The following DCP1B variants were observed in gnomAD, a reference collection of about 807,000 sequenced individuals.
DCP1B encodes the protein decapping mRNA 1B.
In DCP1B, 47 loss-of-function variants were observed where a neutral mutation model predicts 60.5. The ratio of observed to expected loss-of-function variants is 0.78; its 90% CI spans 0.61 to 0.99. The LOEUF (loss-of-function observed/expected upper bound fraction) is 0.99. DCP1B is among the 50% of genes least tolerant of loss of function. The pLI, the probability that DCP1B is intolerant of heterozygous loss-of-function variation, is 0.00. For missense variants in DCP1B, 725 were observed against 756.8 expected (o/e 0.96, Z 0.49); for synonymous variants, 267 against 280.3 (o/e 0.95, Z 0.47).
At chr12:1,981,405 T>C (rs1471815349) in intron 3 of DCP1B, among the ~76,000 whole-genome samples, 1 of 152,218 alleles carries the variant, frequency 6.6e-6, no homozygotes, top group African/African-American at 2.4e-5. Context: ...GCACATTTAA[T>C]GCAAGGAATT....
At chr12:1,947,072 C>T (rs940784431) in intron 8 of DCP1B, among the ~76,000 whole-genome samples, 20 of 152,198 alleles carry the variant, frequency 1.3e-4, no homozygotes, top group African/African-American at 4.8e-4. Flanking sequence ...TATGCTTCAT[C>T]AGTACTTCAT....
intron 1 of DCP1B, among the ~76,000 whole-genome samples, chr12:2,001,204 T>C (rs1409663431): frequency 2.0e-5 from 3 of 152,148 alleles, no homozygotes; most frequent in East Asian, 1.9e-4. Context: ...TCCATAGTTA[T>C]CCAAGGGCAA....
intron 3 of DCP1B, among the ~76,000 whole-genome samples, chr12:1,970,171 T>C (rs960930785): frequency 7.2e-5 from 11 of 152,178 alleles, no homozygotes; most frequent in Admixed American, 1.3e-4. Flanking sequence ...GTCATCACCA[T>C]GAGATAACTG....
chr12:1,993,363 T>C lies in DCP1B; in HGVS notation c.220A>G (p.Ile74Val). ...TTTTCCATGCTCAGCCTATTCATAATGGTGAATCCATGCTTTGGAGAAGCA... is the reference window on the plus strand; with the variant it reads ...TTTTCCATGCTCAGCCTATTCATAACGGTGAATCCATGCTTTGGAGAAGCA... ...RSASPKHGFT[I>V]MNRLSMENRT... The change falls in exon 3 of 9, where the codon ATT becomes GTT. Residue 74 changes from isoleucine to valine, a missense_variant. Transcript: ENST00000280665. The C allele has an allele frequency of 2.5e-6, 4 of 1,613,208 alleles. No homozygotes were observed. The highest frequency in any genetic ancestry group is 3.4e-6 in the Non-Finnish European group (4 of 1,179,272).
At chr12:1,950,900 A>T (rs969509078) in intron 7 of DCP1B, among the ~76,000 whole-genome samples, 4 of 152,154 alleles carry the variant, frequency 2.6e-5, no homozygotes, top group Non-Finnish European at 1.5e-5. Context: ...CTCCTATCTT[A>T]ACCTCCAAAG....
At position 1,949,872 on chromosome 12, in the gene DCP1B, G is replaced by A. The variant is rs759821162; in HGVS notation, c.1525-538C>T. Among the ~76,000 whole-genome samples, 33 of 152,364 alleles carry A rather than the reference G, an allele frequency of 2.2e-4. 1 individual carries two copies. Among genetic ancestry groups the A allele is most frequent in the Middle Eastern group, 6.8e-3 (2 of 294 alleles). On this transcript the variant is annotated intron_variant, in intron 7 of 8. Transcript: ENST00000280665. ...CTGACAGGATCTGCCTGCCTGCAGA[G>A]AGCCCTCATCTTCAGCTTCCGCAGC... is the stretch of plus-strand genomic sequence containing the variant.
chr12:1,946,930 A>C (rs2030449809), intron 8 of DCP1B, among the ~76,000 whole-genome samples: 2 of 152,242 alleles, frequency 1.3e-5, no homozygotes, highest in African/African-American at 4.8e-5. Flanking sequence ...TCCTGGGCTC[A>C]AGTGAGCCTC....
intron 3 of DCP1B, among the ~76,000 whole-genome samples, chr12:1,984,422 A>G (rs956362717): frequency 1.3e-5 from 2 of 152,048 alleles, no homozygotes; most frequent in South Asian, 2.1e-4. Flanking sequence ...TACAATATAC[A>G]TATCTAACTT....
chr12:1,944,095 C>T (rs949350827), downstream of DCP1B, among the ~76,000 whole-genome samples: 10 of 152,296 alleles, frequency 6.6e-5, no homozygotes, highest in South Asian at 1.4e-3. Flanking sequence ...TCTCAGGATA[C>T]AAAATCAATG....
At chr12:1,965,476 C>T (rs1292938396) in intron 5 of DCP1B, 82 bp downstream of exon 5, 3 of 1,399,746 alleles carry the variant, frequency 2.1e-6, no homozygotes, top group African/African-American at 1.5e-5. Context: ...ACAGCATCCA[C>T]AGTACCTAGT....
intron 5 of DCP1B, among the ~76,000 whole-genome samples, chr12:1,961,712 A>C (rs547555005): frequency 1.1e-3 from 172 of 152,312 alleles, no homozygotes; most frequent in Admixed American, 1.8e-3. Flanking sequence ...GACTGAAGAG[A>C]CCTGGGAAAA....
intron 3 of DCP1B, 66 bp from the exon 4 acceptor site, chr12:1,967,976 C>T: frequency 7.7e-7 from 1 of 1,290,558 alleles, no homozygotes. Flanking sequence ...AAAAAATCTC[C>T]TTTCCATCTT....
At position 1,949,120 on chromosome 12, in the gene DCP1B, A is replaced by G; in HGVS notation, c.1739T>C (p.Leu580Pro). 1 of 1,614,004 alleles carries G rather than the reference A, an allele frequency of 6.2e-7. No individual in the cohort carries two copies. Among genetic ancestry groups the G allele is most frequent in the Non-Finnish European group, 8.5e-7 (1 of 1,179,970 alleles). The part of the protein sequence containing the change: ...SVITSSPLTK[L>P]QLQEALLYLI... ...GTACAGCAGTGCCTCCTGGAGCTGGAGCTTGGTGAGTGGGCTGCTGGTGAT... is the reference window on the plus strand; with the variant it reads ...GTACAGCAGTGCCTCCTGGAGCTGGGGCTTGGTGAGTGGGCTGCTGGTGAT... The change falls in exon 8 of 9, where the codon CTC becomes CCC. Residue 580 changes from leucine (L) to proline (P), a missense_variant. Transcript: ENST00000280665.
rs923895125 is a variant in DCP1B at position 1,948,960 on chromosome 12, G to T, written c.1773+126C>A. On this transcript the variant is annotated intron_variant, in intron 8 of 8. Transcript: ENST00000280665. The surrounding 1 kb of genome is among the most constrained non-coding windows in gnomAD (Gnocchi z 4.8). ...ACAGAAGCCGCTGGGGTCAGGATGA[G>T]TTGTTACACACACCTGTTATTCTCA... The T allele has an allele frequency of 6.2e-6, 8 of 1,288,624 alleles. No individual in the cohort carries two copies. The highest frequency in any genetic ancestry group is 2.3e-5 in the Admixed American group (1 of 43,422). 79.8% of individuals were successfully genotyped at this position (1,288,624 alleles called of 1,614,324 possible).
Position 1,952,434 on chromosome 12 carries a change from C to G in DCP1B, c.1506G>C (p.Gln502His), listed in dbSNP as rs1180368196. ...SWINKTPNTE[Q>H]QTPLFQVISP... ...TATTTACCTGGAAAAGAGGAGTCTG[C>G]TGTTCTGTGTTGGGTGTCTTGTTGA... Residue 502 changes from glutamine to histidine, a missense_variant, in exon 7 of 9, where the codon CAG becomes CAC. Coordinates refer to ENST00000280665, the MANE Select transcript of DCP1B (RefSeq NM_152640.5). 1 of 1,593,168 alleles carries G rather than the reference C, an allele frequency of 6.3e-7. No homozygotes were observed. The highest frequency in any genetic ancestry group is 8.6e-7 in the Non-Finnish European group (1 of 1,166,496).
At chr12:1,998,067 T>C in intron 1 of DCP1B, 92 bp from the exon 2 acceptor site, 1 of 1,172,508 alleles carries the variant, frequency 8.5e-7, no homozygotes, top group Non-Finnish European at 1.2e-6. Flanking sequence ...GAATTATATA[T>C]AACTTCAATG....
At chr12:1,955,012 C>T (rs551225137) in intron 6 of DCP1B, among the ~76,000 whole-genome samples, 5 of 152,120 alleles carry the variant, frequency 3.3e-5, no homozygotes, top group South Asian at 2.1e-4. Flanking sequence ...TACAGGTGCA[C>T]GCCATCATGC....
downstream of DCP1B, among the ~76,000 whole-genome samples, chr12:1,942,009 G>C (rs2030291993): frequency 6.6e-6 from 1 of 152,114 alleles, no homozygotes; most frequent in Non-Finnish European, 1.5e-5. Flanking sequence ...TGGATAAAGA[G>C]GCAAGACCCA....
At chr12:1,998,567 A>G (rs1324939850) in intron 1 of DCP1B, among the ~76,000 whole-genome samples, 1 of 152,230 alleles carries the variant, frequency 6.6e-6, no homozygotes, top group Non-Finnish European at 1.5e-5. Context: ...AGATCACTGA[A>G]GTAAAGTTAC....
Sources: gnomAD v4.1 joint callset for allele counts (sites outside exome capture counted in the v4.1 genomes callset) on GRCh38, gnomAD v4.1.1 for gene constraint, Gnocchi (gnomAD v3.1) non-coding constraint, MANE v1.5 for transcripts, NCBI Gene and HGNC (gene_info 2026-07-23, HGNC 2026-07-21) for gene names.